IMMP2L: variants seen among roughly 807,000 people sequenced by gnomAD.
IMMP2L encodes the protein inner mitochondrial membrane peptidase subunit 2, also known as mitochondrial inner membrane protease subunit 2.
A neutral mutation model predicts 19.3 loss-of-function variants in IMMP2L; 18 were observed. The observed-to-expected ratio is 0.93, with a 90% confidence interval of 0.64 to 1.38. The LOEUF is 1.38. Among genes scored for constraint, IMMP2L ranks in the 40% most tolerant of loss-of-function variants. The pLI, the probability that IMMP2L is intolerant of heterozygous loss-of-function variation, is 0.00. For missense variants in IMMP2L, 233 were observed against 218.2 expected (o/e 1.07, Z -0.43); for synonymous variants, 76 against 73.0 (o/e 1.04, Z -0.21).
At chr7:111,298,787 T>C (rs993205647) in intron 3 of IMMP2L, among the ~76,000 whole-genome samples, 2 of 151,908 alleles carry the variant, frequency 1.3e-5, no homozygotes, top group African/African-American at 2.4e-5. Flanking sequence ...CCGATCTTTT[T>C]TTCAAGGATA....
intron 3 of IMMP2L, among the ~76,000 whole-genome samples, chr7:111,382,176 G>C (rs1831262371): frequency 6.6e-6 from 1 of 151,910 alleles, no homozygotes; most frequent in African/African-American, 2.4e-5. Flanking sequence ...AAAGGAGAGA[G>C]AGGACAGACA....
chr7:110,716,945 A>T (rs1795267986), intron 5 of IMMP2L, among the ~76,000 whole-genome samples: 1 of 152,208 alleles, frequency 6.6e-6, no homozygotes, highest in Non-Finnish European at 1.5e-5. Context: ...AACCTAAAAG[A>T]AGAAGTAAGC....
At chr7:111,555,632 G>A (rs1193842247) in intron 1 of IMMP2L, among the ~76,000 whole-genome samples, 2 of 151,974 alleles carry the variant, frequency 1.3e-5, no homozygotes, top group African/African-American at 2.4e-5. Flanking sequence ...GATTCCACAT[G>A]TGAGATAATA....
At chr7:111,257,381 A>G (rs552338811) in intron 3 of IMMP2L, among the ~76,000 whole-genome samples, 4 of 152,268 alleles carry the variant, frequency 2.6e-5, no homozygotes, top group South Asian at 2.1e-4. Flanking sequence ...TCCGCTTTCA[A>G]TGCATCTCAT....
At chr7:111,273,631 T>A (rs1178491291) in intron 3 of IMMP2L, among the ~76,000 whole-genome samples, 1 of 152,042 alleles carries the variant, frequency 6.6e-6, no homozygotes, top group Non-Finnish European at 1.5e-5. Context: ...ATAGGGGACA[T>A]TCATTCCACC....
intron 3 of IMMP2L, chr7:111,483,599 G>T (rs1274356951): frequency 2.0e-5 from 3 of 152,044 alleles, no homozygotes; most frequent in Non-Finnish European, 4.4e-5. Context: ...AGAAAGATAT[G>T]CAAAAAAATA....
intron 3 of IMMP2L, among the ~76,000 whole-genome samples, chr7:111,379,176 A>G (rs368673879): frequency 1.3e-5 from 2 of 150,726 alleles, no homozygotes; most frequent in East Asian, 3.9e-4. Context: ...CCAATAAAAT[A>G]TCATTGAAAA....
Position 111,072,751 on chromosome 7 carries a change from C to T in IMMP2L, c.240-109186G>A, listed in dbSNP as rs544923896. 5.3e-5 allele frequency among the ~76,000 whole-genome samples: 8 copies of T among 151,948 alleles called. No individual in the cohort carries two copies. The East Asian group carries it at 5.8e-4, about 11-fold the overall frequency. ...TCTACTAAAAATACAAAAAATCAGC[C>T]GGGCGAGGTGGTAGGCATCTGTAGT... On this transcript the variant is annotated intron_variant, in intron 3 of 5. Coordinates refer to ENST00000405709, the MANE Select transcript of IMMP2L (RefSeq NM_032549.4).
chr7:111,165,530 T>C (rs1298601781), intron 3 of IMMP2L, among the ~76,000 whole-genome samples: 1 of 152,104 alleles, frequency 6.6e-6, no homozygotes, highest in Non-Finnish European at 1.5e-5. Context: ...TATTTTTTAA[T>C]GCATTTAAGC....
chr7:111,161,287 C>T (rs1805236602), intron 3 of IMMP2L, among the ~76,000 whole-genome samples: 1 of 151,618 alleles, frequency 6.6e-6, no homozygotes, highest in Admixed American at 6.6e-5. Flanking sequence ...GACAATAGAA[C>T]AAAAAATAAT....
At chr7:111,179,708 C>G (rs770351560) in intron 3 of IMMP2L, among the ~76,000 whole-genome samples, 3 of 152,046 alleles carry the variant, frequency 2.0e-5, no homozygotes, top group Non-Finnish European at 4.4e-5. Flanking sequence ...CTCTAGCTAT[C>G]AAAGTCCTAC....
intron 1 of IMMP2L, among the ~76,000 whole-genome samples, chr7:111,533,096 A>G (rs115683139): frequency 0.014 from 2,182 of 152,256 alleles, 46 homozygotes; most frequent in African/African-American, 0.05. Context: ...ATATAAATAA[A>G]TAGAACAGCC....
chr7:110,738,302 T>C (rs575007763), intron 5 of IMMP2L, among the ~76,000 whole-genome samples: 1 of 152,068 alleles, frequency 6.6e-6, no homozygotes, highest in South Asian at 2.1e-4. Context: ...ATTAAAGAAA[T>C]CAAACACATT....
At chr7:111,473,190 A>C (rs1229827509) in intron 3 of IMMP2L, among the ~76,000 whole-genome samples, 1 of 152,142 alleles carries the variant, frequency 6.6e-6, no homozygotes, top group Non-Finnish European at 1.5e-5. Context: ...AAATCTAGCT[A>C]ATAGAGTTAG....
intron 4 of IMMP2L, among the ~76,000 whole-genome samples, chr7:110,944,189 G>A (rs868590865): frequency 7.9e-5 from 12 of 151,788 alleles, no homozygotes; most frequent in African/African-American, 1.4e-4. Flanking sequence ...TCATTGCTCC[G>A]GACCTCAGGG....
At chr7:111,221,382 A>G (rs978098899) in intron 3 of IMMP2L, among the ~76,000 whole-genome samples, 2 of 152,102 alleles carry the variant, frequency 1.3e-5, no homozygotes, top group Non-Finnish European at 2.9e-5. Flanking sequence ...AAAATAGAAA[A>G]TTTTAATGGA....
intron 2 of IMMP2L, among the ~76,000 whole-genome samples, chr7:111,499,529 T>C (rs1239494762): frequency 6.6e-6 from 1 of 152,052 alleles, no homozygotes. Flanking sequence ...AATCAGAGAC[T>C]TATGAAGTGA....
intron 3 of IMMP2L, among the ~76,000 whole-genome samples, chr7:111,064,302 G>A (rs1384518109): frequency 2.0e-5 from 3 of 152,140 alleles, no homozygotes; most frequent in Admixed American, 1.3e-4. Flanking sequence ...GGAATTGTGT[G>A]AGTTACAAAA....
chr7:110,723,963 A>G (rs1448074112), intron 5 of IMMP2L, among the ~76,000 whole-genome samples: 1 of 152,158 alleles, frequency 6.6e-6, no homozygotes, highest in Non-Finnish European at 1.5e-5. Flanking sequence ...TAAATGCTTA[A>G]TAGAAAGAGC....
Sources: allele counts gnomAD v4.1 joint callset (sites outside exome capture counted in the v4.1 genomes callset), GRCh38; gene constraint gnomAD v4.1.1; transcripts MANE v1.5; gene names NCBI Gene and HGNC (gene_info 2026-07-23, HGNC 2026-07-21).